CADM1: variants seen among roughly 807,000 people sequenced by gnomAD.
CADM1 encodes the protein cell adhesion molecule 1, also known as TSLC-1.
In CADM1, 15 loss-of-function variants were observed where a neutral mutation model predicts 53.1. That is an observed-to-expected ratio of 0.28 (90% confidence interval 0.19 to 0.44). The LOEUF (loss-of-function observed/expected upper bound fraction) is 0.44, where lower values mean the gene tolerates loss of function less well. Among genes scored for constraint, CADM1 ranks in the 20% least tolerant of loss-of-function variants. The probability of loss-of-function intolerance (pLI) is 1.00; values close to 1 mark genes in which losing one functional copy is unlikely to be tolerated. For synonymous variants in CADM1, 281 were observed against 243.0 expected, an observed-to-expected ratio of 1.16 and a Z score of -1.45; for missense variants, 434 against 611.3, an observed-to-expected ratio of 0.71 and a Z score of 3.06.
At chr11:115,328,128 G>C (rs1945007838) in intron 1 of CADM1, among the ~76,000 whole-genome samples, 1 of 151,588 alleles carries the variant, frequency 6.6e-6, no homozygotes, top group South Asian at 2.1e-4. Context: ...CACTTCTGTT[G>C]ACCTCCGATT....
At chr11:115,278,345 T>C (rs939133873) in intron 1 of CADM1, among the ~76,000 whole-genome samples, 1 of 152,112 alleles carries the variant, frequency 6.6e-6, no homozygotes, top group African/African-American at 2.4e-5. Context: ...GTAAAAGAAA[T>C]AGAACTTAAC....
chr11:115,298,715 C>G (rs1187843816), intron 1 of CADM1, among the ~76,000 whole-genome samples: 1 of 152,166 alleles, frequency 6.6e-6, no homozygotes, highest in African/African-American at 2.4e-5. Context: ...CATTGTTTTC[C>G]TATTTCCTTC....
chr11:115,210,062 A>G (rs1940887144), intron 7 of CADM1, among the ~76,000 whole-genome samples: 1 of 152,178 alleles, frequency 6.6e-6, no homozygotes, highest in African/African-American at 2.4e-5. Flanking sequence ...GTGCTGCTCT[A>G]TTAGGGGGCT....
intron 1 of CADM1, among the ~76,000 whole-genome samples, chr11:115,263,098 G>A (rs1028357653): frequency 4.6e-5 from 7 of 152,218 alleles, no homozygotes; most frequent in South Asian, 2.1e-4. Context: ...CCACGGAGGC[G>A]ACGCGCCCCT....
chr11:115,260,596 G>A (rs1591650697), intron 1 of CADM1, among the ~76,000 whole-genome samples: 1 of 152,174 alleles, frequency 6.6e-6, no homozygotes, highest in Non-Finnish European at 1.5e-5. Flanking sequence ...ATTGATGAGG[G>A]GCTGTGCTTG....
chr11:115,173,894 TAAAAAACACAA>T lies in CADM1; in HGVS notation c.*2569_*2579del, dbSNP rs900901167. The stretch of plus-strand genomic sequence containing the variant: ...CATCCTTCATTATTTTATATTCCTT[TAAAAAACACAA>T]AAAACAAGTTTGTTCTTTCTTCACT... On this transcript the variant is annotated 3_prime_UTR_variant, in exon 12 of 12. Coordinates refer to ENST00000331581, the MANE Select transcript of CADM1 (RefSeq NM_001301043.2). The T allele has an allele frequency of 3.1e-6, 3 of 972,286 alleles. No homozygotes were observed. The African/African-American group carries it at 5.3e-5, about 17-fold the overall frequency. 60.2% of individuals were successfully genotyped at this position (972,286 alleles called of 1,614,324 possible).
intron 4 of CADM1, among the ~76,000 whole-genome samples, chr11:115,231,147 C>G (rs1306930686): frequency 6.6e-6 from 1 of 152,120 alleles, no homozygotes. Context: ...CACCATGAAC[C>G]CTCAAACAGC....
chr11:115,207,791 T>TA (rs1303197360), intron 8 of CADM1, among the ~76,000 whole-genome samples: 13 of 152,328 alleles, frequency 8.5e-5, no homozygotes, highest in Admixed American at 8.5e-4. Context: ...TCTGCGAAGA[T>TA]AAAATAGACT....
At chr11:115,418,823 T>C (rs1048291142) in intron 1 of CADM1, among the ~76,000 whole-genome samples, 3 of 152,270 alleles carry the variant, frequency 2.0e-5, no homozygotes, top group South Asian at 2.1e-4. Context: ...ACAATGCAAA[T>C]GTGAGACTTT....
chr11:115,402,448 G>A (rs537253964), intron 1 of CADM1, among the ~76,000 whole-genome samples: 3 of 152,228 alleles, frequency 2.0e-5, no homozygotes, highest in East Asian at 1.9e-4. Flanking sequence ...GCTTGAACCC[G>A]GGAGGCGGAG....
intron 10 of CADM1, among the ~76,000 whole-genome samples, chr11:115,180,651 G>T (rs1939265786): frequency 6.6e-6 from 1 of 151,618 alleles, no homozygotes; most frequent in Non-Finnish European, 1.5e-5. Flanking sequence ...CCTTTTTAGA[G>T]ACGACAAAGC....
Position 115,238,894 on chromosome 11 carries a change from GCA to G in CADM1, c.272-244_272-243del, listed in dbSNP as rs752543947. 7.9e-5 allele frequency among the ~76,000 whole-genome samples: 12 copies of G among 151,618 alleles called. No homozygotes were observed. The East Asian group carries it at 1.9e-3, about 25-fold the overall frequency. ...TATATATGCACACATATATATATAT[GCA>G]CACACACCCAGCTACGCACCCTTCT... is the stretch of plus-strand genomic sequence containing the variant. On this transcript the variant is annotated intron_variant, in intron 2 of 11. Coordinates refer to ENST00000331581, the MANE Select transcript of CADM1 (RefSeq NM_001301043.2).
intron 1 of CADM1, among the ~76,000 whole-genome samples, chr11:115,329,540 A>G (rs927970809): frequency 1.3e-4 from 20 of 152,122 alleles, no homozygotes; most frequent in Non-Finnish European, 2.9e-4. Flanking sequence ...GGGCAGGTGC[A>G]GGAGCCGGGG....
intron 1 of CADM1, among the ~76,000 whole-genome samples, chr11:115,345,759 G>A (rs924867004): frequency 1.3e-5 from 2 of 152,122 alleles, no homozygotes; most frequent in South Asian, 4.1e-4. Context: ...TGGCTAGGGG[G>A]ACATTTGTCA....
intron 1 of CADM1, among the ~76,000 whole-genome samples, chr11:115,357,313 A>C (rs946886546): frequency 6.6e-6 from 1 of 152,228 alleles, no homozygotes; most frequent in Non-Finnish European, 1.5e-5. Flanking sequence ...GAAAGTAAAC[A>C]GAAGGAAAAA....
intron 1 of CADM1, among the ~76,000 whole-genome samples, chr11:115,469,622 T>A (rs1472073673): frequency 2.6e-5 from 4 of 151,590 alleles, no homozygotes; most frequent in African/African-American, 9.7e-5. Flanking sequence ...TTCCTAATCA[T>A]GAGGAAGTGA....
At chr11:115,203,927 C>T (rs955413697) in intron 8 of CADM1, among the ~76,000 whole-genome samples, 1 of 152,082 alleles carries the variant, frequency 6.6e-6, no homozygotes, top group African/African-American at 2.4e-5. Flanking sequence ...GGAGTAAAAA[C>T]TTGAAAAGGT....
At chr11:115,243,594 C>G (rs1336236095) in intron 1 of CADM1, among the ~76,000 whole-genome samples, 2 of 152,100 alleles carry the variant, frequency 1.3e-5, no homozygotes, top group African/African-American at 2.4e-5. Context: ...GTATGTATGT[C>G]AGTACTCTTA....
intron 1 of CADM1, 65 bp downstream of exon 1, chr11:115,504,206 T>C (rs1343093790): frequency 6.4e-7 from 1 of 1,551,372 alleles, no homozygotes; most frequent in Non-Finnish European, 8.7e-7. Flanking sequence ...TTCCCCCCTC[T>C]GTGGCCAAGG....
Sources: allele counts gnomAD v4.1 joint callset (sites outside exome capture counted in the v4.1 genomes callset), GRCh38; gene constraint gnomAD v4.1.1; transcripts MANE v1.5; gene names NCBI Gene and HGNC (gene_info 2026-07-23, HGNC 2026-07-21).